The following PTPRN2 variants were observed in gnomAD, a reference collection of about 807,000 sequenced individuals.
PTPRN2 encodes receptor-type tyrosine-protein phosphatase N2.
In PTPRN2, 74 loss-of-function variants were observed where a neutral mutation model predicts 118.8. The ratio of observed to expected loss-of-function variants is 0.62; its 90% CI spans 0.52 to 0.76. The LOEUF (loss-of-function observed/expected upper bound fraction) is 0.76. PTPRN2 is among the 30% of genes least tolerant of loss of function. The pLI, the probability that PTPRN2 is intolerant of heterozygous loss-of-function variation, is 0.00. For synonymous variants in PTPRN2, 641 were observed against 608.0 expected, an observed-to-expected ratio of 1.05 and a Z score of -0.80; for missense variants, 1,481 against 1,394.4, an observed-to-expected ratio of 1.06 and a Z score of -0.99.
At chr7:158,460,533 G>A (rs1035594348) in intron 2 of PTPRN2, among the ~76,000 whole-genome samples, 1 of 147,962 alleles carries the variant, frequency 6.8e-6, no homozygotes, top group Non-Finnish European at 1.5e-5. Context: ...TCCTACGGGG[G>A]CTGTGTGCCG....
intron 13 of PTPRN2, among the ~76,000 whole-genome samples, chr7:157,661,743 G>T (rs1449927502): frequency 3.3e-5 from 5 of 152,244 alleles, no homozygotes; most frequent in African/African-American, 1.2e-4. Context: ...CTGCCCCTGA[G>T]CCTGGGGGCA....
rs1390034383 is a variant in PTPRN2 at position 158,565,891 on chromosome 7, T to G, written c.112+21667A>C. On this transcript the variant is annotated intron_variant, in intron 1 of 22. Coordinates refer to ENST00000389418, the MANE Select transcript of PTPRN2 (RefSeq NM_002847.5). The surrounding 1 kb of genome is among the most constrained non-coding windows in gnomAD (Gnocchi z 4.6). ...GAGCTTCTTAGGAACTTTCCACAGG[T>G]CACCTGACACTAAGCCCACAACACT... Among the ~76,000 whole-genome samples the G allele has an allele frequency of 6.6e-6, 1 of 152,186 alleles. No homozygotes were observed. The highest frequency in any genetic ancestry group is 1.5e-5 in the Non-Finnish European group (1 of 68,032).
intron 12 of PTPRN2, among the ~76,000 whole-genome samples, chr7:157,851,608 C>T (rs917931743): frequency 3.9e-5 from 6 of 151,926 alleles, no homozygotes; most frequent in African/African-American, 7.3e-5. Flanking sequence ...AGGGCACACC[C>T]GCCAAGGGCA....
chr7:157,818,003 G>A (rs991679361), intron 12 of PTPRN2, among the ~76,000 whole-genome samples: 1 of 151,870 alleles, frequency 6.6e-6, no homozygotes, highest in African/African-American at 2.4e-5. Context: ...GTTGTGCGTG[G>A]GGCATGTGTG....
Position 158,509,192 on chromosome 7 carries a change from G to A in PTPRN2, c.113-19407C>T, listed in dbSNP as rs1451490512. ...TCCACGCAGCCTCCACCCAGCAGGC[G>A]GGACCAGTGGACAGGCTGCAGCTCA... On this transcript the variant is annotated intron_variant, in intron 1 of 22. Coordinates refer to ENST00000389418, the MANE Select transcript of PTPRN2 (RefSeq NM_002847.5). The surrounding 1 kb of genome is among the most constrained non-coding windows in gnomAD (Gnocchi z 4.4). 3.3e-5 allele frequency among the ~76,000 whole-genome samples: 5 copies of A among 152,118 alleles called. No homozygotes were observed. Among genetic ancestry groups the A allele is most frequent in the East Asian group, 3.9e-4 (2 of 5,186 alleles).
intron 2 of PTPRN2, among the ~76,000 whole-genome samples, chr7:158,445,391 C>A (rs1194601621): frequency 6.6e-6 from 1 of 152,192 alleles, no homozygotes; most frequent in African/African-American, 2.4e-5. Flanking sequence ...CAGGGAGTTT[C>A]CACCACACTC....
chr7:158,326,841 G>A (rs111219654), intron 2 of PTPRN2, among the ~76,000 whole-genome samples: 4 of 135,434 alleles, frequency 3.0e-5, no homozygotes, highest in South Asian at 2.5e-4. Context: ...GCTCTCACAT[G>A]CATTCTCACA....
chr7:157,820,984 G>A (rs1806801435), intron 12 of PTPRN2, among the ~76,000 whole-genome samples: 1 of 152,144 alleles, frequency 6.6e-6, no homozygotes, highest in Non-Finnish European at 1.5e-5. Context: ...ACGCTGGAGG[G>A]GAGGCAAGAG....
intron 17 of PTPRN2, among the ~76,000 whole-genome samples, chr7:157,581,112 C>G (rs1299941550): frequency 6.6e-6 from 1 of 150,454 alleles, no homozygotes; most frequent in Non-Finnish European, 1.5e-5. Flanking sequence ...CCTGCACACC[C>G]GAGCACCTGG....
intron 5 of PTPRN2, among the ~76,000 whole-genome samples, chr7:158,180,802 G>T (rs1262974370): frequency 6.6e-6 from 1 of 152,164 alleles, no homozygotes; most frequent in Non-Finnish European, 1.5e-5. Context: ...TGTAACCTGA[G>T]ACTTTCCTGA....
intron 9 of PTPRN2, among the ~76,000 whole-genome samples, chr7:158,119,132 T>C (rs1294655599): frequency 6.6e-6 from 1 of 152,144 alleles, no homozygotes. Context: ...AGAAACCTCA[T>C]AATGTACCTA....
chr7:158,432,085 C>T (rs1041034783), intron 2 of PTPRN2, among the ~76,000 whole-genome samples: 10 of 152,232 alleles, frequency 6.6e-5, no homozygotes, highest in African/African-American at 1.9e-4. Flanking sequence ...GCCAGGACCA[C>T]GGAACATTCT....
intron 1 of PTPRN2, among the ~76,000 whole-genome samples, chr7:158,536,287 CTT>C (rs1825638967): frequency 6.6e-6 from 1 of 152,214 alleles, no homozygotes; most frequent in Non-Finnish European, 1.5e-5. Flanking sequence ...AGATTTGAAA[CTT>C]TGCCTGGTTT....
chr7:158,388,172 CT>C (rs1244981228), intron 2 of PTPRN2, among the ~76,000 whole-genome samples: 23 of 152,174 alleles, frequency 1.5e-4, no homozygotes, highest in African/African-American at 4.6e-4. Context: ...AGGAGCACCC[CT>C]GTCCACACTG....
intron 11 of PTPRN2, among the ~76,000 whole-genome samples, chr7:157,996,265 G>A (rs1275475910): frequency 1.3e-5 from 2 of 152,294 alleles, no homozygotes; most frequent in East Asian, 1.9e-4. Context: ...GACAATGGAC[G>A]CTGCAGACCC....
At chr7:158,137,343 G>T (rs1818917227) in intron 7 of PTPRN2, among the ~76,000 whole-genome samples, 2 of 152,132 alleles carry the variant, frequency 1.3e-5, no homozygotes, top group Non-Finnish European at 2.9e-5. Context: ...CTTGAACCCG[G>T]CAGGCAAAGT....
At chr7:157,758,881 TAACA>T (rs1202763886) in intron 12 of PTPRN2, among the ~76,000 whole-genome samples, 2 of 152,188 alleles carry the variant, frequency 1.3e-5, no homozygotes, top group South Asian at 2.1e-4. Context: ...GCTCTGTGGC[TAACA>T]AACAGCGTGC....
intron 3 of PTPRN2, among the ~76,000 whole-genome samples, chr7:158,315,673 GGCTGTGGC>G (rs1172706211): frequency 6.6e-6 from 1 of 152,254 alleles, no homozygotes; most frequent in African/African-American, 2.4e-5. Context: ...TGAATTAATG[GGCTGTGGC>G]CAGTGGTTTG....
At chr7:157,960,447 TG>T (rs1801452065) in intron 11 of PTPRN2, among the ~76,000 whole-genome samples, 1 of 152,184 alleles carries the variant, frequency 6.6e-6, no homozygotes, top group African/African-American at 2.4e-5. Context: ...AAAAAGGAGT[TG>T]GGTGGCACAT....
Sources: allele counts gnomAD v4.1 joint callset (sites outside exome capture counted in the v4.1 genomes callset), GRCh38; gene constraint gnomAD v4.1.1; non-coding constraint Gnocchi (gnomAD v3.1); transcripts MANE v1.5; gene names NCBI Gene and HGNC (gene_info 2026-07-23, HGNC 2026-07-21).